Variants in PAM observed in about 807,000 individuals in gnomAD.
PAM encodes the protein peptidylglycine alpha-amidating monooxygenase.
Under a neutral mutation model 122.1 loss-of-function variants are expected in PAM, and 72 were observed. The observed-to-expected ratio is 0.59, with a 90% CI of 0.49 to 0.72. The LOEUF (loss-of-function observed/expected upper bound fraction) is 0.72, where lower values mean the gene tolerates loss of function less well. Among genes scored for constraint, PAM ranks in the 30% least tolerant of loss-of-function variants. PAM has a pLI of 0.00. For missense variants in PAM, 1,106 were observed against 1,183.7 expected, an observed-to-expected ratio of 0.93 and a Z score of 0.96; for synonymous variants, 389 against 404.4, an observed-to-expected ratio of 0.96 and a Z score of 0.46.
intron 8 of PAM, among the ~76,000 whole-genome samples, chr5:102,948,063 T>C (rs367988501): frequency 2.0e-5 from 3 of 152,270 alleles, no homozygotes; most frequent in South Asian, 4.1e-4. Flanking sequence ...AATAATCTGC[T>C]TTACTCAAAG....
intron 4 of PAM, among the ~76,000 whole-genome samples, chr5:102,910,060 T>C (rs2151519565): frequency 6.6e-6 from 1 of 152,042 alleles, no homozygotes; most frequent in Non-Finnish European, 1.5e-5. Flanking sequence ...CTTGGTTATG[T>C]GTGTTCTTCA....
chr5:102,832,459 A>C (rs936773986), intron 1 of PAM, among the ~76,000 whole-genome samples: 11 of 152,098 alleles, frequency 7.2e-5, no homozygotes, highest in African/African-American at 2.4e-4. Context: ...TGAATCCTAT[A>C]TATATTATGT....
chr5:102,983,724 G>A (rs917592895), intron 15 of PAM, among the ~76,000 whole-genome samples: 6 of 152,012 alleles, frequency 3.9e-5, no homozygotes, highest in East Asian at 3.9e-4. Context: ...GGTCTTCTCC[G>A]AGACACATTA....
At chr5:102,868,971 C>A (rs987803390) in intron 3 of PAM, among the ~76,000 whole-genome samples, 4 of 152,178 alleles carry the variant, frequency 2.6e-5, no homozygotes, top group Admixed American at 2.6e-4. Flanking sequence ...ATCAAAATAA[C>A]TCCATGGGGA....
At chr5:103,028,525 C>G (rs150252324) in intron 25 of PAM, among the ~76,000 whole-genome samples, 2,025 of 152,242 alleles carry the variant, frequency 0.013, 17 homozygotes, top group Middle Eastern at 0.02. Context: ...TTCTGTCACT[C>G]CTGTTGGCAT....
chr5:102,868,003 G>T (rs1429117534), intron 3 of PAM, among the ~76,000 whole-genome samples: 1 of 152,222 alleles, frequency 6.6e-6, no homozygotes, highest in African/African-American at 2.4e-5. Context: ...CTAGGTTGCT[G>T]CTAGGGCTTT....
At chr5:102,834,688 A>G (rs1038421604) in intron 1 of PAM, among the ~76,000 whole-genome samples, 7 of 152,328 alleles carry the variant, frequency 4.6e-5, no homozygotes, top group Non-Finnish European at 8.8e-5. Flanking sequence ...GGAAACAGCA[A>G]GTGCAAAGAT....
chr5:102,908,924 C>A lies in PAM; in HGVS notation c.269-5010C>A, dbSNP rs563766210. 4.6e-5 allele frequency among the ~76,000 whole-genome samples: 7 copies of A among 151,662 alleles called. No individual in the cohort carries two copies. In the East Asian group the frequency reaches 1.4e-3, roughly 30 times the overall value. ...CTGTGAGCTTTACATTTCTCTGTAC[C>A]TTTTTGGCTCAACTGCAAGATTATG... On this transcript the variant is annotated intron_variant, in intron 4 of 25. Coordinates refer to ENST00000438793, the MANE Select transcript of PAM (RefSeq NM_001177306.2).
intron 16 of PAM, among the ~76,000 whole-genome samples, chr5:103,002,332 G>T (rs1189843633): frequency 6.6e-6 from 1 of 151,840 alleles, no homozygotes; most frequent in African/African-American, 2.4e-5. Context: ...TAATCTAAAA[G>T]GTACTGAGTT....
upstream of PAM, chr5:102,755,052 C>T (rs1301665235): frequency 1.3e-5 from 2 of 152,348 alleles, no homozygotes; most frequent in Non-Finnish European, 2.9e-5. Context: ...TCCGCGCCCC[C>T]TGCGCCCAAA....
chr5:102,783,749 T>C (rs115120598), intron 1 of PAM, among the ~76,000 whole-genome samples: 180 of 152,192 alleles, frequency 1.2e-3, no homozygotes, highest in African/African-American at 4.1e-3. Context: ...TTAACTAGAA[T>C]GGAAAAGGGG....
At chr5:102,983,743 T>C (rs1437774593) in intron 15 of PAM, among the ~76,000 whole-genome samples, 1 of 152,008 alleles carries the variant, frequency 6.6e-6, no homozygotes, top group African/African-American at 2.4e-5. Context: ...TATAGTGGAA[T>C]TTTCAAAAGT....
rs1313249410 is a variant in PAM at position 102,916,695 on chromosome 5, TATATA to T, written c.356+2680_356+2684del. On this transcript the variant is annotated intron_variant, in intron 5 of 25. Coordinates refer to ENST00000438793, the MANE Select transcript of PAM (RefSeq NM_001177306.2). ...TAATACATATTTATATGTATATTTGTATATAATATATGATATATATTATATATCAT... is the reference window on the plus strand; with the variant it reads ...TAATACATATTTATATGTATATTTGTATATATGATATATATTATATATCAT... Among the ~76,000 whole-genome samples the T allele has an allele frequency of 6.8e-5, 10 of 147,298 alleles. No homozygotes were observed. The South Asian group carries it at 8.4e-4, about 12-fold the overall frequency.
intron 3 of PAM, among the ~76,000 whole-genome samples, chr5:102,869,258 T>C (rs1005644887): frequency 6.6e-6 from 1 of 152,238 alleles, no homozygotes; most frequent in Non-Finnish European, 1.5e-5. Flanking sequence ...ATCTTAGGAC[T>C]TTTGCTGAGA....
At chr5:102,871,386 A>G (rs1004947391) in intron 3 of PAM, among the ~76,000 whole-genome samples, 1 of 152,212 alleles carries the variant, frequency 6.6e-6, no homozygotes, top group Non-Finnish European at 1.5e-5. Context: ...GCTTTCAGCA[A>G]TGGCTTCATG....
At chr5:102,889,168 C>A (rs1029398774) in intron 3 of PAM, among the ~76,000 whole-genome samples, 1 of 151,942 alleles carries the variant, frequency 6.6e-6, no homozygotes, top group Non-Finnish European at 1.5e-5. Flanking sequence ...GCTCCACGCT[C>A]CAGGAGGCTG....
At chr5:102,806,808 A>G (rs1280669580) in intron 1 of PAM, among the ~76,000 whole-genome samples, 1 of 152,216 alleles carries the variant, frequency 6.6e-6, no homozygotes, top group African/African-American at 2.4e-5. Context: ...TTTCTAATCT[A>G]TATGGGAATG....
intron 3 of PAM, among the ~76,000 whole-genome samples, chr5:102,892,954 AAAT>A (rs1284111023): frequency 6.6e-6 from 1 of 151,838 alleles, no homozygotes; most frequent in Non-Finnish European, 1.5e-5. Context: ...TAGGCAAAGA[AAAT>A]AAATATTTTA....
rs185114138 is a variant in PAM at position 103,008,768 on chromosome 5, G to A, written c.2216-983G>A. ...CTATCATTCTTTAGGTTGGTTTGCC[G>A]CACATTTAAAGAAAAATTTGTCAGG... On this transcript the variant is annotated intron_variant, in intron 20 of 25. Coordinates refer to ENST00000438793, the MANE Select transcript of PAM (RefSeq NM_001177306.2). Among the ~76,000 whole-genome samples the A allele has an allele frequency of 2.1e-3, 325 of 151,988 alleles. 2 individuals are homozygous for A. Among genetic ancestry groups the A allele is most frequent in the African/African-American group, 7.7e-3 (319 of 41,466 alleles).
Sources: gnomAD v4.1 joint callset for allele counts (sites outside exome capture counted in the v4.1 genomes callset) on GRCh38, gnomAD v4.1.1 for gene constraint, MANE v1.5 for transcripts, NCBI Gene and HGNC (gene_info 2026-07-23, HGNC 2026-07-21) for gene names.